Variants in ZNF462 observed in about 807,000 individuals in gnomAD.
ZNF462 encodes the protein zinc finger protein 462, also known as zinc finger PBX1-interacting protein.
In ZNF462, 10 loss-of-function variants were observed where a neutral mutation model predicts 201.9. That is an observed-to-expected ratio of 0.05 (90% CI 0.03 to 0.08). ZNF462 has a LOEUF of 0.08. ZNF462 is among the 10% of genes least tolerant of loss of function. ZNF462 has a pLI of 1.00. For synonymous variants in ZNF462, 1,227 were observed against 1,193.3 expected (o/e 1.03, Z -0.58); for missense variants, 2,523 against 3,168.3 (o/e 0.80, Z 4.89).
At chr9:106,915,362 T>C (rs1322598317) in intron 1 of ZNF462, among the ~76,000 whole-genome samples, 1 of 152,216 alleles carries the variant, frequency 6.6e-6, no homozygotes, top group Non-Finnish European at 1.5e-5. Context: ...TAATAAAGTC[T>C]ACTGTTGTGT....
At chr9:106,894,515 A>G (rs1828728466) in intron 1 of ZNF462, among the ~76,000 whole-genome samples, 1 of 152,254 alleles carries the variant, frequency 6.6e-6, no homozygotes, top group Admixed American at 6.5e-5. Flanking sequence ...AAGCATGACA[A>G]CAGATGTGAT....
chr9:106,926,086 A>G lies in ZNF462; in HGVS notation c.2174A>G (p.Glu725Gly). 1 of 1,614,240 alleles carries G rather than the reference A, an allele frequency of 6.2e-7. No individual in the cohort carries two copies. Among genetic ancestry groups the G allele is most frequent in the South Asian group, 1.1e-5 (1 of 91,078 alleles). The change falls in exon 3 of 13, where the codon GAG (glutamate) becomes GGG (glycine). Residue 725 changes from glutamate (E) to glycine (G), a missense_variant. By Grantham distance (98) the Glu-to-Gly change is moderately conservative. Coordinates refer to ENST00000277225, the MANE Select transcript of ZNF462 (RefSeq NM_021224.6). The surrounding 1 kb of genome is among the most constrained non-coding windows in gnomAD (Gnocchi z 7.9). ...DAVINVEDDEEEEEDNEVEIE... is the reference protein window; with the variant it reads ...DAVINVEDDEGEEEDNEVEIE... Reference sequence around the variant, plus strand: ...GTGATCAATGTTGAGGATGATGAAGAGGAAGAGGAAGACAACGAAGTCGAG... The same window carrying G: ...GTGATCAATGTTGAGGATGATGAAGGGGAAGAGGAAGACAACGAAGTCGAG...
chr9:106,877,153 G>A (rs1379034740), intron 1 of ZNF462, among the ~76,000 whole-genome samples: 1 of 152,034 alleles, frequency 6.6e-6, no homozygotes, highest in Non-Finnish European at 1.5e-5. Context: ...TGGCCAAAAG[G>A]ACATTCATTG....
chr9:106,927,675 C>G lies in ZNF462; in HGVS notation c.3763C>G (p.Leu1255Val), dbSNP rs771680354. Residue 1255 changes from leucine (L) to valine (V), a missense_variant, in exon 3 of 13, where the codon CTG becomes GTG. Coordinates refer to ENST00000277225, the MANE Select transcript of ZNF462 (RefSeq NM_021224.6). ...CTGCGTGCTTGTCTCCCCCTCTAAT[C>G]TGGAGCGGGACAAAACGAAACTCCG... ...ASCVLVSPSNLERDKTKLRAL... is the reference protein window; with the variant it reads ...ASCVLVSPSNVERDKTKLRAL... 1 of 1,614,128 alleles carries G rather than the reference C, an allele frequency of 6.2e-7. No homozygotes were observed.
In ZNF462 at chr9:106,984,028, G is replaced by T. The variant is rs189627596; in HGVS notation, c.6833-158G>T. On this transcript the variant is annotated intron_variant, in intron 9 of 12. Transcript: ENST00000277225. This position sits in a 1 kb window ranked among gnomAD's most constrained non-coding sequence, Gnocchi z 6.4. Reference sequence around the variant, plus strand: ...CATTCCTGAGGAATATGTTGTTTGGGGGTTAGGGGAGGGGCAGGGTGCATG... The same window carrying T: ...CATTCCTGAGGAATATGTTGTTTGGTGGTTAGGGGAGGGGCAGGGTGCATG... Among the ~76,000 whole-genome samples the T allele has an allele frequency of 3.1e-3, 471 of 152,272 alleles. 4 individuals are homozygous for T. The highest frequency in any genetic ancestry group is 0.011 in the African/African-American group (459 of 41,556).
chr9:107,003,409 G>A lies in ZNF462; in HGVS notation c.7172G>A (p.Ser2391Asn), dbSNP rs1268104259. The change falls in exon 11 of 13, where the codon AGC becomes AAC. Residue 2391 changes from serine to asparagine, a missense_variant. Ser to Asn is a conservative substitution (Grantham distance 46). This residue lies in a region of ZNF462 where 228 missense variants were observed against 361.2 expected (regional missense o/e 0.63). Transcript: ENST00000277225. This position sits in a 1 kb window ranked among gnomAD's most constrained non-coding sequence, Gnocchi z 4.4. ...DDEDKEEEMN[S>N]KAEDRELMRF... is the part of the protein sequence containing the mutation. ...GAGGACAAGGAAGAAGAAATGAACAGCAAGGCTGAAGACAGAGGTTAGTCT... is the reference window on the plus strand; with the variant it reads ...GAGGACAAGGAAGAAGAAATGAACAACAAGGCTGAAGACAGAGGTTAGTCT... The A allele has an allele frequency of 6.2e-7, 1 of 1,613,670 alleles. No homozygotes were observed. The highest frequency in any genetic ancestry group is 8.5e-7 in the Non-Finnish European group (1 of 1,179,766).
intron 1 of ZNF462, among the ~76,000 whole-genome samples, chr9:106,897,543 G>A (rs1828864286): frequency 6.6e-6 from 1 of 151,880 alleles, no homozygotes; most frequent in Non-Finnish European, 1.5e-5. Flanking sequence ...TTTCAGTTGT[G>A]ATGCTTCTCA....
Position 106,963,793 on chromosome 9 carries a change from T to C in ZNF462, c.6428-8212T>C, listed in dbSNP as rs1831947263. On this transcript the variant is annotated intron_variant, in intron 7 of 12. Coordinates refer to ENST00000277225, the MANE Select transcript of ZNF462 (RefSeq NM_021224.6). The surrounding 1 kb of genome is among the most constrained non-coding windows in gnomAD (Gnocchi z 4.7). Reference sequence around the variant, plus strand: ...GTTATACAGCAGATCTCTAGAACTCTTTCATCTTACACGACTGAAACTCTA... The same window carrying C: ...GTTATACAGCAGATCTCTAGAACTCCTTCATCTTACACGACTGAAACTCTA... Among the ~76,000 whole-genome samples, 4 of 152,036 alleles carry C rather than the reference T, an allele frequency of 2.6e-5. No homozygotes were observed. The highest frequency in any genetic ancestry group is 7.2e-5 in the African/African-American group (3 of 41,410).
chr9:106,942,573 C>A (rs1043355939), intron 7 of ZNF462, among the ~76,000 whole-genome samples: 2 of 152,132 alleles, frequency 1.3e-5, no homozygotes, highest in African/African-American at 4.8e-5. Context: ...TAAGAGGAAA[C>A]AATAAGGTTG....
chr9:106,864,716 C>T (rs1827255125), intron 1 of ZNF462, among the ~76,000 whole-genome samples: 1 of 152,022 alleles, frequency 6.6e-6, no homozygotes, highest in Admixed American at 6.5e-5. Context: ...TTTTTAAGCA[C>T]GCGTCTGGGA....
At chr9:106,915,418 G>A (rs1397195044) in intron 1 of ZNF462, among the ~76,000 whole-genome samples, 1 of 152,172 alleles carries the variant, frequency 6.6e-6, no homozygotes, top group Non-Finnish European at 1.5e-5. Flanking sequence ...TGGGATGTAA[G>A]AAGTTTTAGG....
At position 106,917,283 on chromosome 9, in the gene ZNF462, A is replaced by C. The variant is rs1564096309; in HGVS notation, c.-30-6071A>C. On this transcript the variant is annotated intron_variant, in intron 1 of 12. Transcript: ENST00000277225. The surrounding 1 kb of genome is among the most constrained non-coding windows in gnomAD (Gnocchi z 4.5). ...ATCTATTAAGAAATAGTACTCCAGC[A>C]TACTCTGTAGTACTTGAAAACTTTA... Among the ~76,000 whole-genome samples the C allele has an allele frequency of 6.6e-6, 1 of 152,236 alleles. No homozygotes were observed. The highest frequency in any genetic ancestry group is 1.5e-5 in the Non-Finnish European group (1 of 68,042).
At chr9:106,964,285 A>G (rs1831974888) in intron 7 of ZNF462, among the ~76,000 whole-genome samples, 1 of 152,100 alleles carries the variant, frequency 6.6e-6, no homozygotes, top group Non-Finnish European at 1.5e-5. Flanking sequence ...CATTCCAAAC[A>G]GCAGCACACA....
In ZNF462 at chr9:106,917,244, A is replaced by T. The variant is rs1829811333; in HGVS notation, c.-30-6110A>T. 6.6e-6 allele frequency among the ~76,000 whole-genome samples: 1 copy of T among 152,238 alleles called. No homozygotes were observed. The highest frequency in any genetic ancestry group is 1.5e-5 in the Non-Finnish European group (1 of 68,042). On this transcript the variant is annotated intron_variant, in intron 1 of 12. Coordinates refer to ENST00000277225, the MANE Select transcript of ZNF462 (RefSeq NM_021224.6). The surrounding 1 kb of genome is among the most constrained non-coding windows in gnomAD (Gnocchi z 4.5). ...CCTAGATGCTCATTTCATTTTAATG[A>T]TGATTCCAAAGGTATCTATTAAGAA... is the stretch of plus-strand genomic sequence containing the variant.
rs1827389649 is a variant in ZNF462, at chr9:106,981,023, C to T, written c.6833-3163C>T. Among the ~76,000 whole-genome samples, 1 of 152,200 alleles carries T rather than the reference C, an allele frequency of 6.6e-6. No homozygotes were observed. The highest frequency in any genetic ancestry group is 2.4e-5 in the African/African-American group (1 of 41,450). Reference sequence around the variant, plus strand: ...CAGAAAACACTGTCAGTCATTTGCCCACCTTTTAAAGTCTGTCTTTTTTTA... The same window carrying T: ...CAGAAAACACTGTCAGTCATTTGCCTACCTTTTAAAGTCTGTCTTTTTTTA... On this transcript the variant is annotated intron_variant, in intron 9 of 12. Transcript: ENST00000277225. This position sits in a 1 kb window ranked among gnomAD's most constrained non-coding sequence, Gnocchi z 4.0.
intron 1 of ZNF462, among the ~76,000 whole-genome samples, chr9:106,899,447 G>A (rs1314995308): frequency 6.6e-6 from 1 of 152,148 alleles, no homozygotes; most frequent in African/African-American, 2.4e-5. Flanking sequence ...ACATGGGAGC[G>A]CCACTTCCAT....
In ZNF462 at chr9:106,886,374, T is replaced by C. The variant is rs1002590809; in HGVS notation, c.-31+23019T>C. ...TGCTGCCTATTTCGAAAGTTGATAA[T>C]GACTCAAGGGTATCCAACTCTCAGG... On this transcript the variant is annotated intron_variant, in intron 1 of 12. Transcript: ENST00000277225. The surrounding 1 kb of genome is among the most constrained non-coding windows in gnomAD (Gnocchi z 4.6). Among the ~76,000 whole-genome samples the C allele has an allele frequency of 6.6e-6, 1 of 152,188 alleles. No individual in the cohort carries two copies. Among genetic ancestry groups the C allele is most frequent in the Non-Finnish European group, 1.5e-5 (1 of 68,042 alleles).
chr9:106,924,082 G>A lies in ZNF462; in HGVS notation c.221-51G>A. The A allele has an allele frequency of 7.0e-7, 1 of 1,433,928 alleles. No individual in the cohort carries two copies. The highest frequency in any genetic ancestry group is 9.5e-7 in the Non-Finnish European group (1 of 1,053,228). The allele number at this position is 1,433,928 out of a possible 1,614,324, so 88.8% of individuals were successfully genotyped here. ...GGAATGGTACTGATTTGCATGATTG[G>A]ATATTTTAATTATCTTTTGCTTTGT... On this transcript the variant is annotated intron_variant, in intron 2 of 12. Coordinates refer to ENST00000277225, the MANE Select transcript of ZNF462 (RefSeq NM_021224.6). This position sits in a 1 kb window ranked among gnomAD's most constrained non-coding sequence, Gnocchi z 6.2.
In ZNF462 at chr9:106,974,405, A is replaced by T. The variant is rs749739458; in HGVS notation, c.6832+132A>T. 593 of 1,386,100 alleles carry T rather than the reference A, an allele frequency of 4.3e-4. No individual in the cohort carries two copies. The highest frequency in any genetic ancestry group is 5.7e-4 in the Non-Finnish European group (560 of 975,118). 85.9% of individuals were successfully genotyped at this position (1,386,100 alleles called of 1,614,324 possible). ...TCACCTTATCTTCAGGCAAGAAACCACAGTGATAACCACAGTGACAGCCAA... is the reference window on the plus strand; with the variant it reads ...TCACCTTATCTTCAGGCAAGAAACCTCAGTGATAACCACAGTGACAGCCAA... On this transcript the variant is annotated intron_variant, in intron 9 of 12. Coordinates refer to ENST00000277225, the MANE Select transcript of ZNF462 (RefSeq NM_021224.6). The surrounding 1 kb of genome is among the most constrained non-coding windows in gnomAD (Gnocchi z 4.0).
Sources: allele counts gnomAD v4.1 joint callset (sites outside exome capture counted in the v4.1 genomes callset), GRCh38; gene constraint gnomAD v4.1.1; regional missense constraint gnomAD v4.1.1; non-coding constraint Gnocchi (gnomAD v3.1); transcripts MANE v1.5; gene names NCBI Gene and HGNC (gene_info 2026-07-23, HGNC 2026-07-21).